PRELID2: variants seen among roughly 807,000 people sequenced by gnomAD.
PRELID2 encodes PRELI domain containing 2.
In PRELID2, 25 loss-of-function variants were observed where a neutral mutation model predicts 28.4. That is an observed-to-expected ratio of 0.88 (90% confidence interval 0.64 to 1.23). The LOEUF (loss-of-function observed/expected upper bound fraction) is 1.23. PRELID2 is among the 50% of genes most tolerant of loss of function. The pLI, the probability that PRELID2 is intolerant of heterozygous loss-of-function variation, is 0.00. For missense variants in PRELID2, 201 were observed against 214.4 expected (o/e 0.94, Z 0.39); for synonymous variants, 76 against 71.6 (o/e 1.06, Z -0.31).
At chr5:145,469,178 C>T (rs1310745028), downstream of PRELID2, among the ~76,000 whole-genome samples, 1 of 152,008 alleles carries the variant, frequency 6.6e-6, no homozygotes, top group Non-Finnish European at 1.5e-5. Flanking sequence ...ATCTCCTTCG[C>T]CCCTTAGACT....
chr5:145,370,694 C>T, the PRELID2 span, among the ~76,000 whole-genome samples: 1 of 152,032 alleles, frequency 6.6e-6, no homozygotes, highest in African/African-American at 2.4e-5. Flanking sequence ...AGCATTGAAT[C>T]TGTAAGTTAG....
chr5:145,654,743 G>A (rs1195259721), intron 1 of PRELID2, among the ~76,000 whole-genome samples: 1 of 152,050 alleles, frequency 6.6e-6, no homozygotes, highest in African/African-American at 2.4e-5. Context: ...TTGATGGGAT[G>A]TATCTCAAAA....
chr5:145,653,464 T>A (rs188951533), intron 1 of PRELID2, among the ~76,000 whole-genome samples: 2 of 152,282 alleles, frequency 1.3e-5, no homozygotes, highest in Non-Finnish European at 2.9e-5. Context: ...AAGCACCACG[T>A]CGCAATTATT....
the PRELID2 span, among the ~76,000 whole-genome samples, chr5:145,247,250 C>G: frequency 6.6e-6 from 1 of 152,110 alleles, no homozygotes; most frequent in Non-Finnish European, 1.5e-5. Context: ...TTCCCGAGCC[C>G]CTACTCACCA....
At chr5:145,418,463 C>G in the PRELID2 span, among the ~76,000 whole-genome samples, 1 of 152,110 alleles carries the variant, frequency 6.6e-6, no homozygotes, top group African/African-American at 2.4e-5. Flanking sequence ...AAACTGGAGG[C>G]ATCATGTTAA....
At chr5:145,475,984 T>C (rs1395218996) in intron 1 of PRELID2, among the ~76,000 whole-genome samples, 1 of 152,238 alleles carries the variant, frequency 6.6e-6, no homozygotes, top group Admixed American at 6.5e-5. Flanking sequence ...CAGTCCATGT[T>C]CTCACTCTAT....
the PRELID2 span, among the ~76,000 whole-genome samples, chr5:145,380,422 G>C: frequency 6.6e-6 from 1 of 152,094 alleles, no homozygotes; most frequent in Admixed American, 6.6e-5. Flanking sequence ...GTTTCACCTG[G>C]CTGCTCTAAT....
At chr5:145,352,155 G>C in the PRELID2 span, among the ~76,000 whole-genome samples, 1 of 152,196 alleles carries the variant, frequency 6.6e-6, no homozygotes, top group Non-Finnish European at 1.5e-5. Context: ...CAATACCACA[G>C]TGGGGACTAT....
chr5:145,524,667 A>G (rs570334630), intron 1 of PRELID2, among the ~76,000 whole-genome samples: 3 of 152,322 alleles, frequency 2.0e-5, no homozygotes, highest in East Asian at 1.9e-4. Flanking sequence ...ACTTCATTCA[A>G]TGCAATGGAA....
chr5:145,446,203 A>C, the PRELID2 span, among the ~76,000 whole-genome samples: 1 of 152,100 alleles, frequency 6.6e-6, no homozygotes, highest in African/African-American at 2.4e-5. Flanking sequence ...TCTTATCACT[A>C]TATATAATAT....
chr5:145,556,177 CAA>C (rs1231402100), intron 1 of PRELID2, among the ~76,000 whole-genome samples: 13 of 61,206 alleles, frequency 2.1e-4, no homozygotes, highest in Admixed American at 5.8e-4. Flanking sequence ...GACTCTATCT[CAA>C]AAAAAAAAAA....
intron 5 of PRELID2, among the ~76,000 whole-genome samples, chr5:145,769,927 T>C (rs1758000538): frequency 6.6e-6 from 1 of 152,230 alleles, no homozygotes; most frequent in Non-Finnish European, 1.5e-5. Flanking sequence ...AGTACAGTAA[T>C]GTGCTGCTTG....
At chr5:145,412,869 G>A in the PRELID2 span, among the ~76,000 whole-genome samples, 3 of 152,114 alleles carry the variant, frequency 2.0e-5, no homozygotes, top group Non-Finnish European at 2.9e-5. Flanking sequence ...TTCACAGGGT[G>A]GCAGGAGACA....
In PRELID2 at chr5:145,632,394, G is replaced by A. The variant is rs61252489; in HGVS notation, n.70+132537C>T. The stretch of plus-strand genomic sequence containing the variant: ...CTTAACGATCTAACAATAAGAAGTT[G>A]ATAATTTTTAAAACTATTTTTAAAT... On this transcript the variant is annotated intron_variant and non_coding_transcript_variant, in intron 1 of 2. Coordinates refer to the PRELID2 transcript ENST00000510259. Among the ~76,000 whole-genome samples, 1,227 of 152,226 alleles carry A rather than the reference G, an allele frequency of 8.1e-3. 40 individuals carry two copies. The East Asian group carries it at 0.1, about 13-fold the overall frequency.
intron 1 of PRELID2, among the ~76,000 whole-genome samples, chr5:145,638,753 T>C (rs1754045905): frequency 6.6e-6 from 1 of 152,254 alleles, no homozygotes; most frequent in Non-Finnish European, 1.5e-5. Flanking sequence ...TATCATGATA[T>C]GATCTCTGGC....
intron 1 of PRELID2, among the ~76,000 whole-genome samples, chr5:145,637,853 C>A (rs1353721291): frequency 6.6e-6 from 1 of 150,672 alleles, no homozygotes; most frequent in Non-Finnish European, 1.5e-5. Context: ...CTCTCTCTCC[C>A]AGGCTAGAGT....
chr5:145,477,577 A>T (rs1752114693), intron 1 of PRELID2, among the ~76,000 whole-genome samples: 1 of 152,168 alleles, frequency 6.6e-6, no homozygotes, highest in African/African-American at 2.4e-5. Context: ...GAGCATGGCT[A>T]GCCACACCTG....
chr5:145,775,372 G>C (rs563184703), intron 5 of PRELID2, among the ~76,000 whole-genome samples: 1 of 152,182 alleles, frequency 6.6e-6, no homozygotes, highest in African/African-American at 2.4e-5. Flanking sequence ...TGACATGTCA[G>C]CTTCGGCACA....
Position 145,724,910 on chromosome 5 carries a change from T to A in PRELID2, n.70+40021A>T, listed in dbSNP as rs563485244. 6.6e-5 allele frequency among the ~76,000 whole-genome samples: 10 copies of A among 151,168 alleles called. No homozygotes were observed. In the South Asian group the frequency reaches 2.1e-3, roughly 32 times the overall value. ...GATGCACACCACTAAGCCTAGCTAA[T>A]TTTTTAAATTTTTGTAGAAATGAGG... On this transcript the variant is annotated intron_variant and non_coding_transcript_variant, in intron 1 of 2. Transcript: ENST00000510259.
Sources: allele counts gnomAD v4.1 joint callset (sites outside exome capture counted in the v4.1 genomes callset), GRCh38; gene constraint gnomAD v4.1.1; transcripts MANE v1.5; gene names NCBI Gene and HGNC (gene_info 2026-07-23, HGNC 2026-07-21).